MCC: variants seen among roughly 807,000 people sequenced by gnomAD.
MCC encodes colorectal mutant cancer protein.
MCC carries 90 observed loss-of-function variants against 116.2 expected under a neutral mutation model. That is an observed-to-expected ratio of 0.77 (90% confidence interval 0.65 to 0.92). MCC has a LOEUF of 0.92. Among genes scored for constraint, MCC ranks in the 40% least tolerant of loss-of-function variants. MCC has a pLI of 0.00. For missense variants in MCC, 1,516 were observed against 1,312.2 expected (o/e 1.16, Z -2.40); for synonymous variants, 578 against 510.5 (o/e 1.13, Z -1.78).
intron 3 of MCC, among the ~76,000 whole-genome samples, chr5:113,166,288 G>C (rs1459808069): frequency 6.6e-6 from 1 of 152,130 alleles, no homozygotes; most frequent in Non-Finnish European, 1.5e-5. Flanking sequence ...GCAGTGACTA[G>C]AAATACTGAC....
rs1581342670 is a variant in MCC, at chr5:113,267,512, C to T, written c.627+73007G>A. On this transcript the variant is annotated intron_variant, in intron 3 of 18. Coordinates refer to ENST00000408903, the MANE Select transcript of MCC (RefSeq NM_001085377.2). ...ATTCCCATTTAATAGGTGAAGCATG[C>T]CACTCAACCTCTGAGCTTATTCTGT... 2.6e-5 allele frequency among the ~76,000 whole-genome samples: 4 copies of T among 152,186 alleles called. No individual in the cohort carries two copies. The South Asian group carries it at 8.3e-4, about 31-fold the overall frequency.
intron 12 of MCC, 127 bp from the exon 13 acceptor site, chr5:113,068,310 A>C: frequency 1.5e-6 from 1 of 671,786 alleles, no homozygotes; most frequent in South Asian, 1.7e-5. Flanking sequence ...AGGCAAGGAA[A>C]CCACCCATGA....
chr5:113,104,604 T>A (rs1756627342), intron 6 of MCC: 2 of 349,700 alleles, frequency 5.7e-6, no homozygotes, highest in Non-Finnish European at 1.0e-5. Context: ...AGCAGCCACA[T>A]CTTGAGTTTC....
At chr5:113,276,568 TACTC>T (rs1476518164) in intron 3 of MCC, among the ~76,000 whole-genome samples, 1 of 152,302 alleles carries the variant, frequency 6.6e-6, no homozygotes, top group Admixed American at 6.5e-5. Context: ...CCTACATACT[TACTC>T]AGTCGTTAAC....
At chr5:113,111,959 G>C (rs1757125134) in intron 6 of MCC, among the ~76,000 whole-genome samples, 1 of 152,156 alleles carries the variant, frequency 6.6e-6, no homozygotes, top group South Asian at 2.1e-4. Context: ...GGTTCATTTT[G>C]AATCAGGTGT....
At chr5:113,337,198 A>C (rs192671711) in intron 3 of MCC, among the ~76,000 whole-genome samples, 38 of 152,188 alleles carry the variant, frequency 2.5e-4, no homozygotes, top group Admixed American at 1.0e-3. Context: ...CACCCTATTA[A>C]GTTTTAGTGG....
chr5:113,445,032 C>G (rs1355382525), intron 1 of MCC, among the ~76,000 whole-genome samples: 1 of 152,180 alleles, frequency 6.6e-6, no homozygotes, highest in Non-Finnish European at 1.5e-5. Flanking sequence ...AAAACAAAAT[C>G]CCTTAATGCT....
chr5:113,112,259 T>C (rs1757143324), intron 6 of MCC, among the ~76,000 whole-genome samples: 1 of 152,204 alleles, frequency 6.6e-6, no homozygotes, highest in Non-Finnish European at 1.5e-5. Flanking sequence ...CTTGGGTTTG[T>C]GTCCCTACCC....
chr5:113,438,682 C>A (rs6864278), intron 1 of MCC, among the ~76,000 whole-genome samples: 45,785 of 151,948 alleles, frequency 0.3, 8,918 homozygotes, highest in African/African-American at 0.54. Flanking sequence ...ATATCCCAGA[C>A]GGGATCCTGT....
chr5:113,063,910 C>A, intron 14 of MCC, 74 bp downstream of exon 14: 2 of 1,477,064 alleles, frequency 1.4e-6, no homozygotes, highest in South Asian at 2.7e-5. Flanking sequence ...AGAGCTGGGT[C>A]ACTGCACACC....
intron 1 of MCC, among the ~76,000 whole-genome samples, chr5:113,461,872 AG>A (rs1174205244): frequency 1.3e-5 from 2 of 152,092 alleles, no homozygotes; most frequent in Admixed American, 6.6e-5. Flanking sequence ...AAGAAGTGAA[AG>A]GTTTTCCCAT....
At chr5:113,034,733 G>A (rs183071632) in intron 17 of MCC, among the ~76,000 whole-genome samples, 4 of 152,320 alleles carry the variant, frequency 2.6e-5, no homozygotes. Context: ...TGTCTCCACT[G>A]ACGTGGATCA....
intron 3 of MCC, among the ~76,000 whole-genome samples, chr5:113,187,458 T>G (rs1039129908): frequency 1.3e-5 from 2 of 152,168 alleles, no homozygotes; most frequent in Admixed American, 6.5e-5. Flanking sequence ...GTCAACTCAC[T>G]GGGTTGTTCT....
intron 3 of MCC, among the ~76,000 whole-genome samples, chr5:113,290,148 G>T (rs948501573): frequency 6.6e-6 from 1 of 152,204 alleles, no homozygotes; most frequent in Non-Finnish European, 1.5e-5. Context: ...GAGCATCAAC[G>T]AAGAGGTGGC....
At position 113,406,691 on chromosome 5, in the gene MCC, G is replaced by C. The variant is rs17387877; in HGVS notation, c.171-21479C>G. 4.5e-3 allele frequency among the ~76,000 whole-genome samples: 678 copies of C among 152,198 alleles called. 3 individuals carry two copies. The highest frequency in any genetic ancestry group is 7.1e-3 in the Non-Finnish European group (486 of 68,014). On this transcript the variant is annotated intron_variant, in intron 1 of 18. Transcript: ENST00000408903. Reference sequence around the variant, plus strand: ...AAAAACACTTTTCACTTATAGAAAAGCAAATGAGGAACAAACTAAGAAGTA... The same window carrying C: ...AAAAACACTTTTCACTTATAGAAAACCAAATGAGGAACAAACTAAGAAGTA...
At chr5:113,480,940 A>G (rs2150435779) in intron 1 of MCC, among the ~76,000 whole-genome samples, 1 of 152,010 alleles carries the variant, frequency 6.6e-6, no homozygotes, top group African/African-American at 2.4e-5. Context: ...ATGCCTGGGT[A>G]ATTTTTGTAA....
chr5:113,431,203 G>T (rs1205980396), intron 1 of MCC, among the ~76,000 whole-genome samples: 4 of 152,116 alleles, frequency 2.6e-5, no homozygotes, highest in Non-Finnish European at 5.9e-5. Flanking sequence ...ATGGCTAACT[G>T]AACAGTGCTA....
intron 3 of MCC, among the ~76,000 whole-genome samples, chr5:113,222,460 T>A (rs1443760977): frequency 6.6e-6 from 1 of 152,170 alleles, no homozygotes; most frequent in Non-Finnish European, 1.5e-5. Context: ...TCTACTTCAA[T>A]TTTTTTGGAA....
At chr5:113,361,788 T>C (rs1768554771) in intron 2 of MCC, among the ~76,000 whole-genome samples, 1 of 152,250 alleles carries the variant, frequency 6.6e-6, no homozygotes, top group Non-Finnish European at 1.5e-5. Flanking sequence ...CACTCTCTTC[T>C]GGAGCTTGTA....
Sources: allele counts gnomAD v4.1 joint callset (sites outside exome capture counted in the v4.1 genomes callset), GRCh38; gene constraint gnomAD v4.1.1; transcripts MANE v1.5; gene names NCBI Gene and HGNC (gene_info 2026-07-23, HGNC 2026-07-21).